The following TMOD1 variants were observed in gnomAD, a reference collection of about 807,000 sequenced individuals.
TMOD1 encodes tropomodulin-1.
A neutral mutation model predicts 40.6 loss-of-function variants in TMOD1; 17 were observed. The ratio of observed to expected loss-of-function variants is 0.42; its 90% CI spans 0.29 to 0.63. The LOEUF (loss-of-function observed/expected upper bound fraction) is 0.63. Ranked by LOEUF, TMOD1 falls within the 20% of genes least tolerant of loss-of-function variation. The pLI, the probability that TMOD1 is intolerant of heterozygous loss-of-function variation, is 0.22. For synonymous variants in TMOD1, 181 were observed against 175.0 expected, an observed-to-expected ratio of 1.03 and a Z score of -0.27; for missense variants, 391 against 447.6, an observed-to-expected ratio of 0.87 and a Z score of 1.14.
chr9:97,541,581 T>A (rs1282925707), intron 2 of TMOD1, among the ~76,000 whole-genome samples: 3 of 152,014 alleles, frequency 2.0e-5, no homozygotes, highest in Non-Finnish European at 2.9e-5. Context: ...AGCGGCGTGA[T>A]CTCAGCTCAC....
intron 8 of TMOD1, among the ~76,000 whole-genome samples, chr9:97,588,206 T>G (rs1381479976): frequency 6.6e-6 from 1 of 152,232 alleles, no homozygotes; most frequent in Non-Finnish European, 1.5e-5. Flanking sequence ...CATTTTATAT[T>G]CCCACCAGCA....
intron 8 of TMOD1, among the ~76,000 whole-genome samples, chr9:97,589,272 C>G (rs930985752): frequency 8.2e-5 from 12 of 146,460 alleles, no homozygotes; most frequent in African/African-American, 2.6e-4. Context: ...TTTTGCCAAA[C>G]TCACTAATTT....
At chr9:97,585,876 C>G (rs1262767227) in intron 8 of TMOD1, among the ~76,000 whole-genome samples, 1 of 137,042 alleles carries the variant, frequency 7.3e-6, no homozygotes, top group Admixed American at 7.5e-5. Flanking sequence ...AAGCACTTCT[C>G]TGTATTGGTT....
intron 8 of TMOD1, among the ~76,000 whole-genome samples, chr9:97,590,241 G>A (rs1198221854): frequency 6.7e-6 from 1 of 148,162 alleles, no homozygotes; most frequent in Non-Finnish European, 1.5e-5. Flanking sequence ...TTTGTTTTTT[G>A]GAGACAGAGT....
chr9:97,585,710 A>C (rs1204632406), intron 8 of TMOD1, among the ~76,000 whole-genome samples: 4 of 122,272 alleles, frequency 3.3e-5, no homozygotes, highest in Admixed American at 8.5e-5. Context: ...ATTTCTTTTT[A>C]TTCTTTTTTC....
At chr9:97,522,950 C>T (rs1444144715) in intron 1 of TMOD1, among the ~76,000 whole-genome samples, 2 of 152,170 alleles carry the variant, frequency 1.3e-5, no homozygotes, top group Non-Finnish European at 2.9e-5. Flanking sequence ...AGGACAATAG[C>T]GCTCGAGGTC....
chr9:97,601,163 A>G lies in TMOD1; in HGVS notation c.*1465A>G. 6.9e-6 allele frequency: 9 copies of G among 1,301,878 alleles called. No individual in the cohort carries two copies. The highest frequency in any genetic ancestry group is 9.1e-6 in the Non-Finnish European group (9 of 988,032). 80.6% of individuals were successfully genotyped at this position (1,301,878 alleles called of 1,614,324 possible). On this transcript the variant is annotated 3_prime_UTR_variant, in exon 10 of 10. Transcript: ENST00000259365. ...GTGGCACCATGTTGCAGGGACAACC[A>G]TCCCCATTTGGCTTCTCCTTAAAAC...
chr9:97,581,683 C>T (rs1825759354), intron 8 of TMOD1, among the ~76,000 whole-genome samples: 1 of 151,462 alleles, frequency 6.6e-6, no homozygotes, highest in African/African-American at 2.4e-5. Context: ...TAATGATCGC[C>T]AGTCTAACTG....
chr9:97,527,143 C>A (rs1215743177), intron 2 of TMOD1, among the ~76,000 whole-genome samples: 1 of 152,226 alleles, frequency 6.6e-6, no homozygotes, highest in African/African-American at 2.4e-5. Flanking sequence ...TCAGTAAAAA[C>A]AAGCCATGTA....
At chr9:97,539,399 C>G (rs567467311) in intron 2 of TMOD1, among the ~76,000 whole-genome samples, 1 of 152,128 alleles carries the variant, frequency 6.6e-6, no homozygotes, top group Non-Finnish European at 1.5e-5. Flanking sequence ...TTTTCAGGTT[C>G]ATTTAACTTC....
At chr9:97,564,381 GTTTC>G (rs1830694336) in intron 6 of TMOD1, among the ~76,000 whole-genome samples, 1 of 152,298 alleles carries the variant, frequency 6.6e-6, no homozygotes, top group African/African-American at 2.4e-5. Context: ...GGCAGTCCTG[GTTTC>G]TTTCTGAGGA....
chr9:97,544,088 C>T (rs1830318274), intron 2 of TMOD1, among the ~76,000 whole-genome samples: 1 of 152,202 alleles, frequency 6.6e-6, no homozygotes, highest in Non-Finnish European at 1.5e-5. Flanking sequence ...ACCTGCCAAG[C>T]CCATTATCTG....
chr9:97,541,546 C>T (rs1830275929), intron 2 of TMOD1, among the ~76,000 whole-genome samples: 1 of 149,930 alleles, frequency 6.7e-6, no homozygotes, highest in South Asian at 2.1e-4. Context: ...GAGACAGTCT[C>T]ACTCTGTTGA....
intron 7 of TMOD1, among the ~76,000 whole-genome samples, chr9:97,568,462 T>G (rs1249464487): frequency 6.6e-6 from 1 of 151,796 alleles, no homozygotes; most frequent in Non-Finnish European, 1.5e-5. Context: ...TCAGCAAGAG[T>G]TCTTGGAGAA....
chr9:97,601,690 A>G lies in TMOD1; in HGVS notation c.*1992A>G. ...CAACTATTCAACTCTGCCATAGATC[A>G]TGTGTAAAGGAATGGGTGTGGCTGT... On this transcript the variant is annotated 3_prime_UTR_variant, in exon 10 of 10. Coordinates refer to ENST00000259365, the MANE Select transcript of TMOD1 (RefSeq NM_003275.4). 1 of 558,358 alleles carries G rather than the reference A, an allele frequency of 1.8e-6. No individual in the cohort carries two copies. The highest frequency in any genetic ancestry group is 2.3e-6 in the Non-Finnish European group (1 of 439,024). 34.6% of individuals were successfully genotyped at this position (558,358 alleles called of 1,614,324 possible).
chr9:97,522,404 C>A (rs1044878529), intron 1 of TMOD1, among the ~76,000 whole-genome samples: 1 of 152,090 alleles, frequency 6.6e-6, no homozygotes, highest in Admixed American at 6.6e-5. Flanking sequence ...GGATTAGGGG[C>A]CCACTCTATC....
chr9:97,553,452 A>G (rs376462500), intron 4 of TMOD1, 52 bp downstream of exon 4: 1 of 1,610,870 alleles, frequency 6.2e-7, no homozygotes. Context: ...TTTGACCCAC[A>G]TCTGCAGGGA....
At chr9:97,566,743 AATTTT>A (rs1293392854) in intron 7 of TMOD1, among the ~76,000 whole-genome samples, 3 of 152,348 alleles carry the variant, frequency 2.0e-5, no homozygotes, top group African/African-American at 7.2e-5. Flanking sequence ...CCCAATGACC[AATTTT>A]ATTTTATAAG....
intron 8 of TMOD1, among the ~76,000 whole-genome samples, chr9:97,590,189 C>T (rs1415798917): frequency 6.6e-6 from 1 of 151,694 alleles, no homozygotes; most frequent in East Asian, 1.9e-4. Context: ...TTTATCTGAG[C>T]AACTCTCTAT....
Sources: allele counts gnomAD v4.1 joint callset (sites outside exome capture counted in the v4.1 genomes callset), GRCh38; gene constraint gnomAD v4.1.1; transcripts MANE v1.5; gene names NCBI Gene and HGNC (gene_info 2026-07-23, HGNC 2026-07-21).